The following XPNPEP1 variants were observed in gnomAD, a reference collection of about 807,000 sequenced individuals.
The protein encoded by XPNPEP1 is xaa-Pro aminopeptidase 1.
XPNPEP1 carries 39 observed loss-of-function variants against 92.4 expected under a neutral mutation model. That is an observed-to-expected ratio of 0.42 (90% confidence interval 0.33 to 0.55). XPNPEP1 has a LOEUF of 0.55. Among genes scored for constraint, XPNPEP1 ranks in the 20% least tolerant of loss-of-function variants. The probability of loss-of-function intolerance (pLI) is 0.08; values close to 1 mark genes in which losing one functional copy is unlikely to be tolerated. For synonymous variants in XPNPEP1, 307 were observed against 299.4 expected (o/e 1.03, Z -0.26); for missense variants, 654 against 856.1 (o/e 0.76, Z 2.95).
At chr10:109,897,765 T>C (rs1849063168) in intron 3 of XPNPEP1, among the ~76,000 whole-genome samples, 1 of 151,968 alleles carries the variant, frequency 6.6e-6, no homozygotes, top group African/African-American at 2.4e-5. Flanking sequence ...GCGATTCTCA[T>C]GCCTCAGTCT....
intron 1 of XPNPEP1, among the ~76,000 whole-genome samples, chr10:109,920,098 T>C (rs1028775314): frequency 6.6e-6 from 1 of 151,180 alleles, no homozygotes; most frequent in East Asian, 1.9e-4. Context: ...CTTGAAAACA[T>C]GCTAAGGGAA....
At chr10:109,870,983 G>A (rs1394953294) in intron 17 of XPNPEP1, 79 bp from the exon 18 acceptor site, 80 of 1,490,490 alleles carry the variant, frequency 5.4e-5, no homozygotes, top group Middle Eastern at 1.8e-4. Context: ...GCTCCAGAAC[G>A]TGAAACAGAA....
At chr10:109,921,934 G>C (rs928885969) in intron 1 of XPNPEP1, among the ~76,000 whole-genome samples, 1 of 152,200 alleles carries the variant, frequency 6.6e-6, no homozygotes. Flanking sequence ...TGTCAGCCTA[G>C]AACTGTCATA....
chr10:109,909,263 T>C (rs1464952811), intron 2 of XPNPEP1, among the ~76,000 whole-genome samples: 2 of 151,984 alleles, frequency 1.3e-5, no homozygotes, highest in Non-Finnish European at 2.9e-5. Context: ...AGAGTGAGAC[T>C]CTGTCTCAAA....
rs1850004831 is a variant in XPNPEP1 at position 109,913,599 on chromosome 10, C to G, written c.121+1412G>C. Among the ~76,000 whole-genome samples, 4 of 152,316 alleles carry G rather than the reference C, an allele frequency of 2.6e-5. No individual in the cohort carries two copies. The South Asian group carries it at 8.3e-4, about 32-fold the overall frequency. The stretch of plus-strand genomic sequence containing the variant: ...TATTCTCATTTTACACATAAAGGAA[C>G]AGGAGTTAAAAGGAGTTAAGTACTT... On this transcript the variant is annotated intron_variant, in intron 2 of 20. Coordinates refer to ENST00000502935, the MANE Select transcript of XPNPEP1 (RefSeq NM_020383.4).
intron 14 of XPNPEP1, chr10:109,876,951 G>A (rs1435900789): frequency 6.6e-6 from 1 of 152,276 alleles, no homozygotes; most frequent in East Asian, 1.9e-4. Context: ...TGGGTCCATG[G>A]GTTCTTGTAG....
intron 1 of XPNPEP1, among the ~76,000 whole-genome samples, chr10:109,920,034 T>TAA (rs561125587): frequency 7.0e-6 from 1 of 143,548 alleles, no homozygotes; most frequent in Non-Finnish European, 1.5e-5. Context: ...CCGTCTCATT[T>TAA]AAAAAAAAAA....
At chr10:109,888,896 C>T (rs77121964) in intron 5 of XPNPEP1, among the ~76,000 whole-genome samples, 1,763 of 152,326 alleles carry the variant, frequency 0.012, 19 homozygotes, top group Non-Finnish European at 0.017. Context: ...CACGTACACA[C>T]ATGGCGTCAC....
chr10:109,886,477 C>T, intron 7 of XPNPEP1, 136 bp from the exon 8 acceptor site: 2 of 784,546 alleles, frequency 2.5e-6, no homozygotes, highest in Middle Eastern at 2.3e-4. Flanking sequence ...GGCAGGAGGC[C>T]TGGATTCAAG....
chr10:109,911,697 C>A (rs114455824), intron 2 of XPNPEP1, among the ~76,000 whole-genome samples: 1,886 of 152,332 alleles, frequency 0.012, 35 homozygotes, highest in African/African-American at 0.043. Context: ...AGGACTTCAA[C>A]ACTGGCTGCA....
In XPNPEP1 at chr10:109,865,107, G is replaced by A; in HGVS notation, c.*77C>T. The A allele has an allele frequency of 6.3e-7, 1 of 1,591,324 alleles. No individual in the cohort carries two copies. Among genetic ancestry groups the A allele is most frequent in the Non-Finnish European group, 8.6e-7 (1 of 1,164,076 alleles). ...AGGTAGGGAAGAAGGAAAGGAAAGG[G>A]GAAAGATGTCAGGGATCTGCCACGT... On this transcript the variant is annotated 3_prime_UTR_variant, in exon 21 of 21. Coordinates refer to ENST00000502935, the MANE Select transcript of XPNPEP1 (RefSeq NM_020383.4).
Position 109,870,726 on chromosome 10 carries a change from C to G in XPNPEP1, c.1696+5G>C. The G allele has an allele frequency of 6.2e-7, 1 of 1,613,862 alleles. No individual in the cohort carries two copies. The highest frequency in any genetic ancestry group is 8.5e-7 in the Non-Finnish European group (1 of 1,179,800). The stretch of plus-strand genomic sequence containing the variant: ...ACGCATGCCCTCTATGTGAGGGACA[C>G]TTACCATCAGTGACAATCATGCCTG... On this transcript the variant is annotated splice_donor_5th_base_variant and intron_variant, in intron 18 of 20. Coordinates refer to ENST00000502935, the MANE Select transcript of XPNPEP1 (RefSeq NM_020383.4).
intron 3 of XPNPEP1, 118 bp from the exon 4 acceptor site, chr10:109,893,193 C>A: frequency 1.1e-6 from 1 of 897,778 alleles, no homozygotes; most frequent in Non-Finnish European, 1.7e-6. Context: ...TCCTTGGCCC[C>A]CGCCCTCAAG....
chr10:109,887,026 C>T (rs982839668), intron 7 of XPNPEP1, among the ~76,000 whole-genome samples: 3 of 152,174 alleles, frequency 2.0e-5, no homozygotes, highest in African/African-American at 7.2e-5. Flanking sequence ...ACCACAACCA[C>T]CCTACCAGGG....
intron 3 of XPNPEP1, chr10:109,893,520 T>C (rs866172270): frequency 1.4e-4 from 22 of 157,780 alleles, no homozygotes; most frequent in Middle Eastern, 3.1e-3. Flanking sequence ...GTTTCCAAAC[T>C]TCCTGTTTGG....
At chr10:109,917,515 A>G (rs745715504) in intron 1 of XPNPEP1, among the ~76,000 whole-genome samples, 2 of 152,244 alleles carry the variant, frequency 1.3e-5, no homozygotes, top group Non-Finnish European at 2.9e-5. Flanking sequence ...ATGGTCATGG[A>G]TTGGAAGGTT....
At chr10:109,922,232 T>A (rs1850581619) in intron 1 of XPNPEP1, among the ~76,000 whole-genome samples, 1 of 152,178 alleles carries the variant, frequency 6.6e-6, no homozygotes, top group Non-Finnish European at 1.5e-5. Context: ...TGGACTTTCC[T>A]TTGAGGTAAA....
chr10:109,909,959 T>A (rs563199151), intron 2 of XPNPEP1, among the ~76,000 whole-genome samples: 2 of 152,316 alleles, frequency 1.3e-5, no homozygotes, highest in African/African-American at 4.8e-5. Flanking sequence ...CACATCATCA[T>A]CACCCTAGGT....
intron 11 of XPNPEP1, 58 bp from the exon 12 acceptor site, chr10:109,880,296 C>A: frequency 6.4e-7 from 1 of 1,573,976 alleles, no homozygotes; most frequent in South Asian, 1.1e-5. Flanking sequence ...TGACCAGATT[C>A]AGAGCCTAGC....
Sources: allele counts gnomAD v4.1 joint callset (sites outside exome capture counted in the v4.1 genomes callset), GRCh38; gene constraint gnomAD v4.1.1; transcripts MANE v1.5; gene names NCBI Gene and HGNC (gene_info 2026-07-23, HGNC 2026-07-21).